Variants in DCAF7 observed in about 807,000 individuals in gnomAD.
DCAF7 encodes DDB1 and CUL4 associated factor 7.
Under a neutral mutation model 41.2 loss-of-function variants are expected in DCAF7, and 4 were observed. That is an observed-to-expected ratio of 0.10 (90% CI 0.05 to 0.22). The LOEUF is 0.22. Among genes scored for constraint, DCAF7 ranks in the 10% least tolerant of loss-of-function variants. The pLI, the probability that DCAF7 is intolerant of heterozygous loss-of-function variation, is 1.00. For missense variants in DCAF7, 131 were observed against 443.2 expected (o/e 0.30, Z 6.32); for synonymous variants, 143 against 164.2 (o/e 0.87, Z 0.99).
chr17:63,571,531 GT>G lies in DCAF7; in HGVS notation c.139-6938del, dbSNP rs200921134. ...GGATTTTAATTTTAATTTTTTGTGT[GT>G]GGGGGGGCAGTATTTTTTATAAAGA... is the stretch of plus-strand genomic sequence containing the variant. On this transcript the variant is annotated intron_variant, in intron 1 of 6. Transcript: ENST00000614556. Among the ~76,000 whole-genome samples the G allele has an allele frequency of 5.7e-3, 874 of 152,166 alleles. 18 individuals are homozygous for G. The highest frequency in any genetic ancestry group is 0.02 in the African/African-American group (844 of 41,506).
intron 1 of DCAF7, among the ~76,000 whole-genome samples, chr17:63,563,379 T>TA (rs1201641480): frequency 1.3e-5 from 2 of 152,236 alleles, no homozygotes; most frequent in African/African-American, 2.4e-5. Flanking sequence ...CACCTTTACA[T>TA]ACTGCTGCTA....
chr17:63,575,724 GA>G (rs1283253457), intron 1 of DCAF7, among the ~76,000 whole-genome samples: 2 of 152,144 alleles, frequency 1.3e-5, no homozygotes, highest in African/African-American at 4.8e-5. Context: ...AATTAATGGA[GA>G]AATGTGCTAT....
intron 1 of DCAF7, among the ~76,000 whole-genome samples, chr17:63,570,032 A>G (rs1180474665): frequency 1.3e-5 from 2 of 152,114 alleles, no homozygotes; most frequent in Non-Finnish European, 2.9e-5. Context: ...TTTTCCAAGT[A>G]CTTTGGTAAG....
rs1327338150 is a variant in DCAF7 at position 63,575,422 on chromosome 17, G to A, written c.139-3048G>A. Among the ~76,000 whole-genome samples, 4 of 152,180 alleles carry A rather than the reference G, an allele frequency of 2.6e-5. No individual in the cohort carries two copies. The East Asian group carries it at 5.8e-4, about 22-fold the overall frequency. On this transcript the variant is annotated intron_variant, in intron 1 of 6. Coordinates refer to ENST00000614556, the MANE Select transcript of DCAF7 (RefSeq NM_005828.5). ...ATTGCTGAAAGAAATTAAGGCAGCCGGGCGTAGTGGTTCACGCCTGTAATA... is the reference window on the plus strand; with the variant it reads ...ATTGCTGAAAGAAATTAAGGCAGCCAGGCGTAGTGGTTCACGCCTGTAATA...
chr17:63,557,647 G>A (rs2033324623), intron 1 of DCAF7, among the ~76,000 whole-genome samples: 6 of 152,188 alleles, frequency 3.9e-5, no homozygotes, highest in Admixed American at 3.3e-4. Context: ...GAGATCTGAC[G>A]TAAGTATAAT....
chr17:63,589,177 G>A lies in DCAF7; in HGVS notation c.*5G>A. The A allele has an allele frequency of 3.1e-6, 5 of 1,610,900 alleles. No individual in the cohort carries two copies. Among genetic ancestry groups the A allele is most frequent in the Non-Finnish European group, 3.4e-6 (4 of 1,178,750 alleles). ...CTGGAGATACTCAGAGTGTAGTGTT[G>A]GTGGCGCTGTGCCCACGAGGCAGGG... On this transcript the variant is annotated 3_prime_UTR_variant, in exon 7 of 7. Transcript: ENST00000614556.
At position 63,583,603 on chromosome 17, in the gene DCAF7, A is replaced by G. The variant is rs760811664; in HGVS notation, c.630A>G (p.Glu210=). ...SVRMFDLRHL[E]HSTIIYEDPQ... ...GGATGTTTGACCTCCGCCATCTAGA[A>G]CACAGCACCATCATTTACGAAGACC... Residue 210 remains glutamate (E), a synonymous_variant, in exon 5 of 7, where the codon GAA becomes GAG. Coordinates refer to ENST00000614556, the MANE Select transcript of DCAF7 (RefSeq NM_005828.5). 1.9e-6 allele frequency: 3 copies of G among 1,613,350 alleles called. No individual in the cohort carries two copies. The highest frequency in any genetic ancestry group is 2.2e-5 in the East Asian group (1 of 44,852).
In DCAF7 at chr17:63,578,733, A is replaced by C. The variant is rs1192044395; in HGVS notation, c.297+105A>C. 12 of 1,478,378 alleles carry C rather than the reference A, an allele frequency of 8.1e-6. No individual in the cohort carries two copies. The East Asian group carries it at 2.5e-4, about 31-fold the overall frequency. 91.6% of individuals were successfully genotyped at this position (1,478,378 alleles called of 1,614,324 possible). A position where few individuals can be genotyped will look rare whatever the true frequency, so the allele number is the denominator to read the frequency against. ...ACAGGGGTCAGAGGCAGCGAGTGTC[A>C]TTGCAGCACAGGAGAAGCAAGCGAA... On this transcript the variant is annotated intron_variant, in intron 2 of 6. Coordinates refer to ENST00000614556, the MANE Select transcript of DCAF7 (RefSeq NM_005828.5).
intron 1 of DCAF7, among the ~76,000 whole-genome samples, chr17:63,578,017 C>T (rs988683222): frequency 6.6e-6 from 1 of 152,144 alleles, no homozygotes; most frequent in African/African-American, 2.4e-5. Context: ...ACTAGATACC[C>T]TCTCATGGCA....
In DCAF7 at chr17:63,550,513, G is replaced by A. The variant is rs2033236199; in HGVS notation, c.-165G>A. ...CCAAGCTGGTTTGAAACTAGGGGTC[G>A]GGCTCGGCCGTCGTCGTTGTTTGTC... On this transcript the variant is annotated 5_prime_UTR_variant, in exon 1 of 7. Transcript: ENST00000614556. This position sits in a 1 kb window ranked among gnomAD's most constrained non-coding sequence, Gnocchi z 4.8. The A allele has an allele frequency of 8.9e-7, 1 of 1,124,064 alleles. No individual in the cohort carries two copies. The highest frequency in any genetic ancestry group is 1.6e-5 in the African/African-American group (1 of 63,662). The allele number at this position is 1,124,064 out of a possible 1,614,324, so 69.6% of individuals were successfully genotyped here.
In DCAF7 at chr17:63,591,964, C is replaced by G. The variant is rs2033737717; in HGVS notation, c.*2792C>G. On this transcript the variant is annotated 3_prime_UTR_variant, in exon 7 of 7. Coordinates refer to ENST00000614556, the MANE Select transcript of DCAF7 (RefSeq NM_005828.5). ...GGATGGAGGTGCTGAATAAATTAGGCCTCAGGCCTCTACCACCAGAGAGCT... is the reference window on the plus strand; with the variant it reads ...GGATGGAGGTGCTGAATAAATTAGGGCTCAGGCCTCTACCACCAGAGAGCT... 1 of 152,308 alleles carries G rather than the reference C, an allele frequency of 6.6e-6. No individual in the cohort carries two copies. Among genetic ancestry groups the G allele is most frequent in the Non-Finnish European group, 1.5e-5 (1 of 68,116 alleles). 9.4% of individuals were successfully genotyped at this position (152,308 alleles called of 1,614,324 possible).
intron 6 of DCAF7, 107 bp from the exon 7 acceptor site, chr17:63,588,893 G>A (rs2147780172): frequency 1.5e-5 from 18 of 1,205,742 alleles, no homozygotes; most frequent in South Asian, 1.5e-4. Flanking sequence ...AAATAGAACC[G>A]CCATCACGGG....
chr17:63,554,887 A>G (rs2033294919), intron 1 of DCAF7, among the ~76,000 whole-genome samples: 1 of 152,212 alleles, frequency 6.6e-6, no homozygotes, highest in African/African-American at 2.4e-5. Context: ...AAGGTAGCTG[A>G]AAAGGTCATT....
intron 1 of DCAF7, among the ~76,000 whole-genome samples, chr17:63,562,822 CTTT>C (rs72028555): frequency 7.1e-6 from 1 of 141,532 alleles, no homozygotes. Flanking sequence ...AAAATATTTT[CTTT>C]TTTTTTTTTT....
chr17:63,578,685 A>T, intron 2 of DCAF7, 57 bp downstream of exon 2: 11 of 1,609,470 alleles, frequency 6.8e-6, no homozygotes, highest in Non-Finnish European at 9.3e-6. Context: ...CTCAGCTGTT[A>T]GCAGTGAAAA....
At chr17:63,559,287 G>A (rs1455012851) in intron 1 of DCAF7, among the ~76,000 whole-genome samples, 2 of 142,500 alleles carry the variant, frequency 1.4e-5, no homozygotes, top group African/African-American at 5.3e-5. Flanking sequence ...CTCCAGCCCG[G>A]GTGACAGTGT....
At chr17:63,582,347 T>C (rs2033631495) in intron 4 of DCAF7, among the ~76,000 whole-genome samples, 1 of 152,220 alleles carries the variant, frequency 6.6e-6, no homozygotes. Context: ...TGAGAAATTC[T>C]AGTCGTGTCT....
intron 1 of DCAF7, among the ~76,000 whole-genome samples, chr17:63,578,170 C>A (rs759930133): frequency 3.4e-4 from 52 of 152,178 alleles, no homozygotes; most frequent in South Asian, 1.0e-3. Context: ...TCAAGGCCAG[C>A]CTGGGCAACA....
chr17:63,562,557 C>A (rs1162426263), intron 1 of DCAF7, among the ~76,000 whole-genome samples: 1 of 149,478 alleles, frequency 6.7e-6, no homozygotes, highest in African/African-American at 2.5e-5. Flanking sequence ...TATTATTATA[C>A]TTTAAGTTTT....
Sources: gnomAD v4.1 joint callset for allele counts (sites outside exome capture counted in the v4.1 genomes callset) on GRCh38, gnomAD v4.1.1 for gene constraint, Gnocchi (gnomAD v3.1) non-coding constraint, MANE v1.5 for transcripts, NCBI Gene and HGNC (gene_info 2026-07-23, HGNC 2026-07-21) for gene names.